Variants in LHFPL3 observed in about 807,000 individuals in gnomAD.
LHFPL3 encodes LHFPL tetraspan subfamily member 3.
In LHFPL3, 5 loss-of-function variants were observed where a neutral mutation model predicts 19.3. That is an observed-to-expected ratio of 0.26 (90% confidence interval 0.14 to 0.54). LHFPL3 has a LOEUF of 0.54. Among genes scored for constraint, LHFPL3 ranks in the 20% least tolerant of loss-of-function variants. The pLI is 0.94. For synonymous variants in LHFPL3, 133 were observed against 126.2 expected (o/e 1.05, Z -0.36); for missense variants, 249 against 307.4 (o/e 0.81, Z 1.42).
intron 1 of LHFPL3, among the ~76,000 whole-genome samples, chr7:104,421,176 A>T (rs1255302336): frequency 6.6e-6 from 1 of 152,250 alleles, no homozygotes; most frequent in Non-Finnish European, 1.5e-5. Context: ...GAAATTAGAA[A>T]ATGACCTATT....
At chr7:104,527,537 C>T (rs907172287) in intron 1 of LHFPL3, among the ~76,000 whole-genome samples, 3 of 152,018 alleles carry the variant, frequency 2.0e-5, no homozygotes, top group African/African-American at 7.3e-5. Flanking sequence ...TTAAGAATCC[C>T]CAGAAATAGG....
At chr7:104,413,897 C>A (rs907630081) in intron 1 of LHFPL3, among the ~76,000 whole-genome samples, 3 of 152,154 alleles carry the variant, frequency 2.0e-5, no homozygotes, top group African/African-American at 7.2e-5. Flanking sequence ...TTGCCAGGAA[C>A]TCTTTTTAGA....
intron 1 of LHFPL3, among the ~76,000 whole-genome samples, chr7:104,493,110 G>A (rs1303920926): frequency 6.6e-6 from 1 of 152,004 alleles, no homozygotes; most frequent in East Asian, 1.9e-4. Flanking sequence ...TTTCACTACT[G>A]TTCCTGCAAT....
intron 1 of LHFPL3, among the ~76,000 whole-genome samples, chr7:104,495,709 G>A (rs1793460915): frequency 6.6e-6 from 1 of 152,116 alleles, no homozygotes; most frequent in Non-Finnish European, 1.5e-5. Context: ...GAGACTGGTG[G>A]CGGGGGTCTC....
chr7:104,782,020 CA>C (rs978555902), intron 2 of LHFPL3, among the ~76,000 whole-genome samples: 2 of 152,210 alleles, frequency 1.3e-5, no homozygotes, highest in African/African-American at 4.8e-5. Context: ...ACCGTTCTAT[CA>C]CGCTTATAAT....
chr7:104,745,014 T>TATACCCAAC (rs1794013451), intron 2 of LHFPL3, among the ~76,000 whole-genome samples: 2 of 152,222 alleles, frequency 1.3e-5, no homozygotes, highest in Non-Finnish European at 2.9e-5. Context: ...CTTTGGTCTC[T>TATACCCAAC]ATACCCAACA....
chr7:104,881,278 A>G (rs956479752), intron 2 of LHFPL3, among the ~76,000 whole-genome samples: 14 of 152,180 alleles, frequency 9.2e-5, no homozygotes, highest in African/African-American at 3.4e-4. Flanking sequence ...TCTGGAAAGT[A>G]TTCTTCAATC....
At chr7:104,682,110 G>A (rs76348141) in intron 1 of LHFPL3, among the ~76,000 whole-genome samples, 4,732 of 152,222 alleles carry the variant, frequency 0.031, 250 homozygotes, top group African/African-American at 0.11. Context: ...TATTACCAGC[G>A]TAACTAGTTA....
At chr7:104,517,191 A>G (rs374819222) in intron 1 of LHFPL3, among the ~76,000 whole-genome samples, 95 of 152,180 alleles carry the variant, frequency 6.2e-4, no homozygotes, top group South Asian at 8.3e-4. Flanking sequence ...TACCTAATGG[A>G]TACTAGGCTT....
intron 1 of LHFPL3, among the ~76,000 whole-genome samples, chr7:104,345,950 G>T (rs1343919492): frequency 6.6e-5 from 10 of 151,744 alleles, no homozygotes; most frequent in Non-Finnish European, 1.3e-4. Flanking sequence ...TTGGATTGTT[G>T]CTTTGTCTTT....
At chr7:104,864,161 C>T (rs560410500) in intron 2 of LHFPL3, among the ~76,000 whole-genome samples, 1 of 152,328 alleles carries the variant, frequency 6.6e-6, no homozygotes, top group African/African-American at 2.4e-5. Flanking sequence ...ATAGGAATAG[C>T]TCCAGTCTAC....
intron 1 of LHFPL3, among the ~76,000 whole-genome samples, chr7:104,597,584 T>C (rs1393924984): frequency 6.6e-6 from 1 of 152,226 alleles, no homozygotes; most frequent in Non-Finnish European, 1.5e-5. Context: ...GGAATGTGAT[T>C]TCTTTCATTG....
chr7:104,383,436 C>T (rs1056619903), intron 1 of LHFPL3, among the ~76,000 whole-genome samples: 1 of 152,244 alleles, frequency 6.6e-6, no homozygotes, highest in African/African-American at 2.4e-5. Context: ...TGCCAGCGTA[C>T]TTCCTTTAAC....
chr7:104,716,485 T>C (rs375154520), intron 1 of LHFPL3, among the ~76,000 whole-genome samples: 1 of 152,274 alleles, frequency 6.6e-6, no homozygotes, highest in East Asian at 1.9e-4. Context: ...AGCTGCAGTA[T>C]ACAAAATCAA....
intron 1 of LHFPL3, among the ~76,000 whole-genome samples, chr7:104,339,027 C>T (rs1273857281): frequency 2.0e-5 from 3 of 152,162 alleles, no homozygotes; most frequent in South Asian, 2.1e-4. Context: ...GCGGGTGGAT[C>T]GCCTGAGGTC....
intron 1 of LHFPL3, among the ~76,000 whole-genome samples, chr7:104,457,347 C>T (rs1020006247): frequency 8.6e-5 from 13 of 151,460 alleles, no homozygotes; most frequent in Admixed American, 2.0e-4. Context: ...TCAATTCCCA[C>T]CTATGAGTGA....
At chr7:104,871,743 C>T (rs1791842040) in intron 2 of LHFPL3, among the ~76,000 whole-genome samples, 1 of 152,044 alleles carries the variant, frequency 6.6e-6, no homozygotes, top group Non-Finnish European at 1.5e-5. Flanking sequence ...ACTGCAACCT[C>T]CACCTCCCAG....
intron 1 of LHFPL3, among the ~76,000 whole-genome samples, chr7:104,714,143 G>A (rs918151316): frequency 2.6e-5 from 4 of 152,166 alleles, no homozygotes; most frequent in Admixed American, 6.5e-5. Context: ...TGTAAAAAAT[G>A]TTTTGACAGA....
chr7:104,595,489 A>G (rs766892020), intron 1 of LHFPL3, among the ~76,000 whole-genome samples: 13 of 152,186 alleles, frequency 8.5e-5, no homozygotes, highest in Non-Finnish European at 1.6e-4. Flanking sequence ...CTACTTTGAC[A>G]TGTCTCCCAA....
Sources: allele counts gnomAD v4.1 joint callset (sites outside exome capture counted in the v4.1 genomes callset), GRCh38; gene constraint gnomAD v4.1.1; transcripts MANE v1.5; gene names NCBI Gene and HGNC (gene_info 2026-07-23, HGNC 2026-07-21).